Variants in SOS1 observed in about 807,000 individuals in gnomAD.
SOS1 encodes the protein son of sevenless homolog 1.
In SOS1, 25 loss-of-function variants were observed where a neutral mutation model predicts 157.6. The ratio of observed to expected loss-of-function variants is 0.16; its 90% CI spans 0.12 to 0.22. The LOEUF (loss-of-function observed/expected upper bound fraction) is 0.22, where lower values mean the gene tolerates loss of function less well. Among genes scored for constraint, SOS1 ranks in the 10% least tolerant of loss-of-function variants. The pLI is 1.00. For synonymous variants in SOS1, 528 were observed against 534.0 expected (o/e 0.99, Z 0.16); for missense variants, 1,237 against 1,599.1 (o/e 0.77, Z 3.86).
chr2:39,081,797 C>G (rs953943239), intron 1 of SOS1, among the ~76,000 whole-genome samples: 1 of 151,426 alleles, frequency 6.6e-6, no homozygotes, highest in Non-Finnish European at 1.5e-5. Context: ...GCCTGGCCAA[C>G]AGAGCAAGAC....
At chr2:39,042,724 T>C (rs1443757212) in intron 6 of SOS1, among the ~76,000 whole-genome samples, 2 of 151,572 alleles carry the variant, frequency 1.3e-5, no homozygotes, top group Admixed American at 1.3e-4. Flanking sequence ...TTTTTTTTTT[T>C]TTTTTTTTAA....
intron 2 of SOS1, among the ~76,000 whole-genome samples, chr2:39,061,310 T>C (rs1454030860): frequency 6.6e-6 from 1 of 151,936 alleles, no homozygotes; most frequent in African/African-American, 2.4e-5. Flanking sequence ...AAGGAATTAC[T>C]TTATTTCTTG....
At chr2:39,096,466 T>C (rs1672765449) in intron 1 of SOS1, among the ~76,000 whole-genome samples, 1 of 152,248 alleles carries the variant, frequency 6.6e-6, no homozygotes, top group Non-Finnish European at 1.5e-5. Context: ...GCTATATTCA[T>C]GTATTACTTT....
chr2:39,108,584 C>T (rs1302834227), intron 1 of SOS1, among the ~76,000 whole-genome samples: 1 of 152,138 alleles, frequency 6.6e-6, no homozygotes, highest in Non-Finnish European at 1.5e-5. Flanking sequence ...TATGGTCCCA[C>T]TTCCATTTAA....
intron 2 of SOS1, among the ~76,000 whole-genome samples, chr2:39,066,531 A>T (rs779154316): frequency 6.6e-6 from 1 of 152,228 alleles, no homozygotes; most frequent in African/African-American, 2.4e-5. Context: ...GTTTAGATGT[A>T]TCTTTTTCTT....
upstream of SOS1, among the ~76,000 whole-genome samples, chr2:39,121,989 T>C (rs1354782399): frequency 2.6e-5 from 4 of 152,224 alleles, no homozygotes; most frequent in African/African-American, 9.6e-5. Flanking sequence ...TTAGAGGAAC[T>C]AGCCTGGGTT....
chr2:39,103,908 G>C (rs1056050210), intron 1 of SOS1, among the ~76,000 whole-genome samples: 1 of 152,140 alleles, frequency 6.6e-6, no homozygotes, highest in African/African-American at 2.4e-5. Flanking sequence ...TCATATATTG[G>C]ATAAAGGTCT....
chr2:38,995,228 T>G lies in SOS1; in HGVS notation c.3241A>C (p.Asn1081His). 1 of 1,614,056 alleles carries G rather than the reference T, an allele frequency of 6.2e-7. No individual in the cohort carries two copies. Among genetic ancestry groups the G allele is most frequent in the Non-Finnish European group, 8.5e-7 (1 of 1,179,940 alleles). The change falls in exon 20 of 23, where the codon AAT becomes CAT. Residue 1081 changes from asparagine (N) to histidine (H), a missense_variant. Transcript: ENST00000402219. ...SETESTASAP[N>H]SPRTPLTPPP... Reference sequence around the variant, plus strand: ...GGTGTTAACGGTGTTCTTGGAGAATTTGGTGCAGATGCTGTACTTTCTGTT... The same window carrying G: ...GGTGTTAACGGTGTTCTTGGAGAATGTGGTGCAGATGCTGTACTTTCTGTT...
In SOS1 at chr2:38,995,240, C is replaced by T. The variant is rs775100470; in HGVS notation, c.3229G>A (p.Ala1077Thr). Residue 1077 changes from alanine to threonine, a missense_variant, in exon 20 of 23, where the codon GCA (alanine) becomes ACA (threonine). Around this residue, in one of 15 missense-constraint regions of SOS1, gnomAD observed 306 missense variants for 322.6 expected, o/e 0.95. Coordinates refer to ENST00000402219, the MANE Select transcript of SOS1 (RefSeq NM_005633.4). ...GTTCTTGGAGAATTTGGTGCAGATG[C>T]TGTACTTTCTGTTTCACTTTCAGGG... ...RIPESETEST[A>T]SAPNSPRTPL... 3.1e-6 allele frequency: 5 copies of T among 1,613,926 alleles called. No individual in the cohort carries two copies. The highest frequency in any genetic ancestry group is 4.2e-6 in the Non-Finnish European group (5 of 1,179,972).
At chr2:39,124,477 A>G (rs1332434137), upstream of SOS1, 1 of 152,268 alleles carries the variant, frequency 6.6e-6, no homozygotes, top group Non-Finnish European at 1.5e-5. Flanking sequence ...AGCGCGGCGC[A>G]TCGGAGTAGG....
intron 8 of SOS1, 43 bp from the exon 9 acceptor site, chr2:39,024,180 TG>T: frequency 6.5e-7 from 1 of 1,530,046 alleles, no homozygotes; most frequent in Non-Finnish European, 9.0e-7. Flanking sequence ...AGTACATTTT[TG>T]GATAAAATAA....
At chr2:39,003,129 AT>A (rs1357902224) in intron 17 of SOS1, among the ~76,000 whole-genome samples, 4 of 151,612 alleles carry the variant, frequency 2.6e-5, no homozygotes, top group Admixed American at 6.6e-5. Flanking sequence ...ATTAATAATG[AT>A]TTTTTTTAAA....
intron 5 of SOS1, 26 bp from the exon 6 acceptor site, chr2:39,051,313 C>T (rs766861171): frequency 1.9e-6 from 3 of 1,598,060 alleles, no homozygotes; most frequent in Non-Finnish European, 2.6e-6. Flanking sequence ...CACATTAATT[C>T]AGTGAGGCTG....
At position 39,072,755 on chromosome 2, in the gene SOS1, T is replaced by C. The variant is rs190005431; in HGVS notation, c.88-5002A>G. On this transcript the variant is annotated intron_variant, in intron 1 of 22. Coordinates refer to ENST00000402219, the MANE Select transcript of SOS1 (RefSeq NM_005633.4). Reference sequence around the variant, plus strand: ...ACAGAAAATAACACGTGATGCCAACTGCACTTCTAAGCTTCTAGACATTAA... The same window carrying C: ...ACAGAAAATAACACGTGATGCCAACCGCACTTCTAAGCTTCTAGACATTAA... 1.2e-4 allele frequency among the ~76,000 whole-genome samples: 18 copies of C among 152,318 alleles called. 2 individuals are homozygous for C. Among genetic ancestry groups the C allele is most frequent in the Middle Eastern group, 3.4e-3 (1 of 294 alleles).
Position 39,120,646 on chromosome 2 carries a change from C to T in SOS1, c.-224G>A. 3.7e-6 allele frequency: 1 copy of T among 270,572 alleles called. No individual in the cohort carries two copies. The highest frequency in any genetic ancestry group is 5.6e-6 in the Non-Finnish European group (1 of 178,968). The allele number at this position is 270,572 out of a possible 1,614,324, so 16.8% of individuals were successfully genotyped here. A position where few individuals can be genotyped will look rare whatever the true frequency, so the allele number is the denominator to read the frequency against. On this transcript the variant is annotated 5_prime_UTR_variant, in exon 1 of 23. Coordinates refer to ENST00000402219, the MANE Select transcript of SOS1 (RefSeq NM_005633.4). ...AGGTACCAGCCGTGGAGAACGGACG[C>T]GGCCCGGAGGCGGCGGCATCCCGCA... is the stretch of plus-strand genomic sequence containing the variant.
intron 1 of SOS1, among the ~76,000 whole-genome samples, chr2:39,090,427 G>A (rs1672550053): frequency 6.6e-6 from 1 of 152,110 alleles, no homozygotes; most frequent in South Asian, 2.1e-4. Context: ...CTGGTGTGGT[G>A]GCTCATGCCT....
intron 6 of SOS1, among the ~76,000 whole-genome samples, chr2:39,036,901 A>G (rs1014532894): frequency 6.7e-6 from 1 of 149,306 alleles, no homozygotes; most frequent in African/African-American, 2.5e-5. Context: ...GATCTGCTGG[A>G]CTCAAGTGAT....
chr2:39,045,619 TATG>T (rs943173615), intron 6 of SOS1, among the ~76,000 whole-genome samples: 2 of 152,340 alleles, frequency 1.3e-5, no homozygotes, highest in African/African-American at 2.4e-5. Flanking sequence ...GTTTTTATGT[TATG>T]ATATTTCATC....
chr2:38,997,332 C>G lies in SOS1; in HGVS notation c.2885G>C (p.Arg962Thr). ...GKELINFSKRRKVAEITGEIQ... is the reference protein window; with the variant it reads ...GKELINFSKRTKVAEITGEIQ... ...CTCTCCTGTTATTTCTGCTACTTTC[C>G]TCCTTTTGCTAAAGTTTATAAGCTC... is the stretch of plus-strand genomic sequence containing the variant. Residue 962 changes from arginine to threonine, a missense_variant, in exon 18 of 23, where the codon AGG becomes ACG. Physicochemically the swap from Arg to Thr is moderately conservative, Grantham distance 71. Transcript: ENST00000402219. 3 of 1,613,158 alleles carry G rather than the reference C, an allele frequency of 1.9e-6. No homozygotes were observed. The highest frequency in any genetic ancestry group is 2.5e-6 in the Non-Finnish European group (3 of 1,179,380).
Sources: gnomAD v4.1 joint callset for allele counts (sites outside exome capture counted in the v4.1 genomes callset) on GRCh38, gnomAD v4.1.1 for gene constraint, gnomAD v4.1.1 regional missense constraint, MANE v1.5 for transcripts, NCBI Gene and HGNC (gene_info 2026-07-23, HGNC 2026-07-21) for gene names.